The following MTA3 variants were observed in gnomAD, a reference collection of about 807,000 sequenced individuals.
MTA3 encodes the protein metastasis-associated protein MTA3.
In MTA3, 34 loss-of-function variants were observed where a neutral mutation model predicts 83.5. That is an observed-to-expected ratio of 0.41 (90% CI 0.31 to 0.54). MTA3 has a LOEUF of 0.54. MTA3 is among the 20% of genes least tolerant of loss of function. MTA3 has a pLI of 0.33. For synonymous variants in MTA3, 303 were observed against 252.7 expected (o/e 1.20, Z -1.89); for missense variants, 761 against 726.4 (o/e 1.05, Z -0.55).
At chr2:42,733,594 T>A (rs1222360724) in intron 16 of MTA3, among the ~76,000 whole-genome samples, 1 of 152,260 alleles carries the variant, frequency 6.6e-6, no homozygotes, top group Admixed American at 6.5e-5. Context: ...TTTTTAAATT[T>A]CCTTCTTAAT....
chr2:42,725,681 A>T (rs1369100258), intron 16 of MTA3, among the ~76,000 whole-genome samples: 1 of 152,220 alleles, frequency 6.6e-6, no homozygotes, highest in Non-Finnish European at 1.5e-5. Context: ...GGCACCTCTC[A>T]GGAGGTGTGA....
intron 2 of MTA3, among the ~76,000 whole-genome samples, chr2:42,552,819 ACATG>A (rs1677179025): frequency 6.6e-6 from 1 of 151,886 alleles, no homozygotes; most frequent in African/African-American, 2.4e-5. Flanking sequence ...GTGTGGCGGC[ACATG>A]CCTGTAGTCC....
chr2:42,562,154 A>G (rs567489485), intron 2 of MTA3, among the ~76,000 whole-genome samples: 1 of 152,256 alleles, frequency 6.6e-6, no homozygotes, highest in East Asian at 1.9e-4. Context: ...TCTGTCTCTT[A>G]TAAGGACACA....
chr2:42,740,882 C>G (rs907704957), intron 16 of MTA3, among the ~76,000 whole-genome samples: 1 of 152,240 alleles, frequency 6.6e-6, no homozygotes, highest in Non-Finnish European at 1.5e-5. Flanking sequence ...AAGTCACCAG[C>G]TGCATTAGCC....
At chr2:42,715,406 CTTTTTTTTTTTTT>C (rs35673744) in intron 14 of MTA3, among the ~76,000 whole-genome samples, 1 of 104,170 alleles carries the variant, frequency 9.6e-6, no homozygotes, top group African/African-American at 4.0e-5. Context: ...CCACCAACTA[CTTTTTTTTTTTTT>C]TTTTTTTTTT....
intron 2 of MTA3, among the ~76,000 whole-genome samples, chr2:42,518,531 T>C (rs898686501): frequency 2.0e-5 from 3 of 152,192 alleles, no homozygotes; most frequent in Admixed American, 6.6e-5. Flanking sequence ...TCTATACTTA[T>C]AGAAAAAGAC....
chr2:42,701,291 C>T (rs1255843134), intron 11 of MTA3, among the ~76,000 whole-genome samples: 1 of 69,798 alleles, frequency 1.4e-5, no homozygotes, highest in Non-Finnish European at 2.6e-5. Flanking sequence ...GACCCTGCCT[C>T]AAAAAAAAAA....
intron 16 of MTA3, among the ~76,000 whole-genome samples, chr2:42,752,693 G>T (rs1463376621): frequency 1.3e-5 from 2 of 152,102 alleles, no homozygotes; most frequent in Non-Finnish European, 2.9e-5. Flanking sequence ...GATGAGCTCA[G>T]ATGAGATCGT....
chr2:42,721,510 G>A (rs1209536484), intron 15 of MTA3, among the ~76,000 whole-genome samples: 1 of 151,644 alleles, frequency 6.6e-6, no homozygotes, highest in Non-Finnish European at 1.5e-5. Context: ...AAAAATTTTT[G>A]TAGAGACAGG....
chr2:42,520,577 T>A (rs1393212323), intron 2 of MTA3, among the ~76,000 whole-genome samples: 1 of 151,808 alleles, frequency 6.6e-6, no homozygotes, highest in Admixed American at 6.6e-5. Context: ...ATTCTTTTGT[T>A]CCTCCTTTTT....
chr2:42,524,167 T>C (rs1003552600), intron 2 of MTA3, among the ~76,000 whole-genome samples: 5 of 152,094 alleles, frequency 3.3e-5, no homozygotes, highest in Admixed American at 6.6e-5. Context: ...CCTCAAGCCA[T>C]TGGAGACACA....
chr2:42,551,084 TA>T (rs1281637126), intron 2 of MTA3, among the ~76,000 whole-genome samples: 45 of 150,494 alleles, frequency 3.0e-4, no homozygotes, highest in Non-Finnish European at 1.5e-4. Context: ...AATAAATAAA[TA>T]AATTAAAATT....
chr2:42,620,409 C>T (rs530321979), intron 4 of MTA3, among the ~76,000 whole-genome samples: 9 of 152,188 alleles, frequency 5.9e-5, no homozygotes, highest in Admixed American at 3.9e-4. Context: ...AATGAGCTAC[C>T]GTGCCCTGCC....
chr2:42,547,059 A>G (rs1210639570), intron 2 of MTA3, among the ~76,000 whole-genome samples: 1 of 152,212 alleles, frequency 6.6e-6, no homozygotes, highest in Non-Finnish European at 1.5e-5. Context: ...TCTGATGACT[A>G]CAGTCTATGG....
chr2:42,700,418 A>AT (rs1221914783), intron 11 of MTA3, among the ~76,000 whole-genome samples: 1 of 152,184 alleles, frequency 6.6e-6, no homozygotes, highest in African/African-American at 2.4e-5. Context: ...ACATGTCTAT[A>AT]TGCAGTCTTG....
chr2:42,584,954 CAG>C (rs757180213), intron 3 of MTA3, among the ~76,000 whole-genome samples: 321 of 150,712 alleles, frequency 2.1e-3, no homozygotes, highest in Non-Finnish European at 3.0e-3. Context: ...TTTTTTGAGA[CAG>C]AGTCTCGCTC....
At chr2:42,606,500 C>G (rs1228679326) in intron 3 of MTA3, among the ~76,000 whole-genome samples, 1 of 149,702 alleles carries the variant, frequency 6.7e-6, no homozygotes, top group Non-Finnish European at 1.5e-5. Flanking sequence ...GGCAGAGACG[C>G]CCCTCACTTC....
chr2:42,508,756 T>C (rs991626223), intron 2 of MTA3, among the ~76,000 whole-genome samples: 4 of 146,652 alleles, frequency 2.7e-5, no homozygotes, highest in Non-Finnish European at 6.0e-5. Context: ...TATTATATAT[T>C]ATATAGTATT....
At chr2:42,723,776 C>G (rs938823420) in intron 16 of MTA3, among the ~76,000 whole-genome samples, 1 of 152,186 alleles carries the variant, frequency 6.6e-6, no homozygotes, top group African/African-American at 2.4e-5. Context: ...AAAACTCTCT[C>G]CAGGCTTTTC....
Sources: gnomAD v4.1 joint callset for allele counts (sites outside exome capture counted in the v4.1 genomes callset) on GRCh38, gnomAD v4.1.1 for gene constraint, MANE v1.5 for transcripts, NCBI Gene and HGNC (gene_info 2026-07-23, HGNC 2026-07-21) for gene names.